LTBP1: variants seen among roughly 807,000 people sequenced by gnomAD.
The protein encoded by LTBP1 is latent transforming growth factor beta binding protein 1.
LTBP1 carries 129 observed loss-of-function variants against 207.6 expected under a neutral mutation model. The observed-to-expected ratio is 0.62, with a 90% CI of 0.54 to 0.72. The LOEUF (loss-of-function observed/expected upper bound fraction) is 0.72, where lower values mean the gene tolerates loss of function less well. LTBP1 is among the 30% of genes least tolerant of loss of function. LTBP1 has a pLI of 0.00. For synonymous variants in LTBP1, 963 were observed against 833.7 expected, an observed-to-expected ratio of 1.16 and a Z score of -2.67; for missense variants, 2,281 against 2,217.2, an observed-to-expected ratio of 1.03 and a Z score of -0.58.
intron 7 of LTBP1, among the ~76,000 whole-genome samples, chr2:33,217,256 A>C (rs1037473545): frequency 6.6e-6 from 1 of 152,252 alleles, no homozygotes; most frequent in East Asian, 1.9e-4. Context: ...TGAGGCTCTT[A>C]TTAAGAAAAA....
chr2:33,129,643 G>T (rs899843313), intron 4 of LTBP1, among the ~76,000 whole-genome samples: 1 of 152,072 alleles, frequency 6.6e-6, no homozygotes, highest in Non-Finnish European at 1.5e-5. Flanking sequence ...ATTAAAAATG[G>T]TTTTACTTTT....
chr2:33,161,254 T>C (rs2084438248), intron 5 of LTBP1, among the ~76,000 whole-genome samples: 1 of 151,614 alleles, frequency 6.6e-6, no homozygotes, highest in Admixed American at 6.6e-5. Context: ...GGAAGCTTTT[T>C]TTTTTTCCTT....
chr2:33,032,075 T>G (rs562723919), intron 3 of LTBP1, among the ~76,000 whole-genome samples: 6 of 152,214 alleles, frequency 3.9e-5, no homozygotes, highest in Admixed American at 6.5e-5. Flanking sequence ...AAGAAAATAA[T>G]TCCTTTGGAT....
At chr2:33,012,329 T>C (rs1439825007) in intron 2 of LTBP1, among the ~76,000 whole-genome samples, 1 of 151,866 alleles carries the variant, frequency 6.6e-6, no homozygotes, top group Non-Finnish European at 1.5e-5. Flanking sequence ...AGCTCCCTCT[T>C]GTACGTGTCT....
intron 3 of LTBP1, among the ~76,000 whole-genome samples, chr2:33,065,937 G>A (rs1019350464): frequency 2.0e-5 from 3 of 152,128 alleles, no homozygotes; most frequent in African/African-American, 7.2e-5. Context: ...TCTGACAGAT[G>A]AAAATAACCT....
rs147518927 is a variant in LTBP1, at chr2:32,967,942, A to T, written c.565+18997A>T. Among the ~76,000 whole-genome samples, 115 of 151,948 alleles carry T rather than the reference A, an allele frequency of 7.6e-4. No homozygotes were observed. The East Asian group carries it at 0.021, about 28-fold the overall frequency. On this transcript the variant is annotated intron_variant, in intron 2 of 33. Transcript: ENST00000404816. ...TTGAAGTATCCAACTTCAATAGATG[A>T]ATTATGGATTCATCTATTATTCCTT...
At chr2:33,092,285 A>G (rs1009376900) in intron 3 of LTBP1, among the ~76,000 whole-genome samples, 2 of 152,208 alleles carry the variant, frequency 1.3e-5, no homozygotes, top group South Asian at 2.1e-4. Flanking sequence ...CTAGTTATCC[A>G]TATGTAAAGG....
intron 2 of LTBP1, among the ~76,000 whole-genome samples, chr2:32,998,744 C>T (rs1161389363): frequency 1.3e-5 from 2 of 152,026 alleles, no homozygotes; most frequent in Admixed American, 1.3e-4. Flanking sequence ...GAGCTTGCCT[C>T]CCCACTCTGT....
intron 2 of LTBP1, among the ~76,000 whole-genome samples, chr2:33,006,476 C>G (rs578007752): frequency 3.3e-5 from 5 of 150,078 alleles, no homozygotes; most frequent in Non-Finnish European, 7.4e-5. Context: ...CTCCGCCTCC[C>G]GGTTCAAGTG....
intron 3 of LTBP1, among the ~76,000 whole-genome samples, chr2:33,039,943 G>A (rs2076103111): frequency 6.6e-6 from 1 of 152,120 alleles, no homozygotes; most frequent in Admixed American, 6.5e-5. Flanking sequence ...GCACCAAAAT[G>A]AGGAAGGAGA....
intron 3 of LTBP1, among the ~76,000 whole-genome samples, chr2:33,079,947 CT>C (rs11384362): frequency 6.6e-6 from 1 of 152,040 alleles, no homozygotes; most frequent in Admixed American, 6.5e-5. Context: ...GACTAAAAAA[CT>C]TTAACTATGA....
At chr2:33,062,108 C>G (rs1310604200) in intron 3 of LTBP1, among the ~76,000 whole-genome samples, 1 of 152,062 alleles carries the variant, frequency 6.6e-6, no homozygotes, top group African/African-American at 2.4e-5. Flanking sequence ...GTATATTCCC[C>G]TTTGTGAAAT....
intron 2 of LTBP1, among the ~76,000 whole-genome samples, chr2:32,963,725 C>T (rs979340291): frequency 6.6e-6 from 1 of 152,156 alleles, no homozygotes; most frequent in African/African-American, 2.4e-5. Context: ...CCTCCTACAA[C>T]AGAACCCCTG....
intron 3 of LTBP1, among the ~76,000 whole-genome samples, chr2:33,054,926 A>T (rs534898228): frequency 6.6e-6 from 1 of 152,182 alleles, no homozygotes; most frequent in Admixed American, 6.5e-5. Context: ...CATAGTGGAC[A>T]TGGACGAGGG....
chr2:33,268,028 C>T (rs1356947221), intron 15 of LTBP1, among the ~76,000 whole-genome samples: 1 of 152,166 alleles, frequency 6.6e-6, no homozygotes, highest in African/African-American at 2.4e-5. Context: ...TTTCATGCAA[C>T]AGTTGTAGGT....
chr2:33,215,804 C>G (rs1447798640), intron 7 of LTBP1, among the ~76,000 whole-genome samples: 2 of 151,108 alleles, frequency 1.3e-5, no homozygotes, highest in African/African-American at 4.9e-5. Flanking sequence ...CAATCTCTGC[C>G]TCCTGGGTTC....
chr2:33,023,375 A>G (rs1235799724), intron 3 of LTBP1, among the ~76,000 whole-genome samples: 1 of 151,948 alleles, frequency 6.6e-6, no homozygotes, highest in Non-Finnish European at 1.5e-5. Flanking sequence ...GGAACAGTCT[A>G]TTTTTTTTCC....
In LTBP1 at chr2:32,959,617, A is replaced by ATTTTTTTT. The variant is rs1373102884; in HGVS notation, c.565+10673_565+10674insTTTTTTTT. Among the ~76,000 whole-genome samples, 23 of 38,538 alleles carry ATTTTTTTT rather than the reference A, an allele frequency of 6.0e-4. 1 individual carries two copies. Among genetic ancestry groups the ATTTTTTTT allele is most frequent in the South Asian group, 2.1e-3 (1 of 478 alleles). 25.3% of individuals were successfully genotyped at this position (38,538 alleles called of 152,430 possible). On this transcript the variant is annotated intron_variant, in intron 2 of 33. Transcript: ENST00000404816. ...TACGTGTATATATATATATATATAT[A>ATTTTTTTT]TATATTTTTTTTTTTTTTTTTGAGA... is the stretch of plus-strand genomic sequence containing the variant.
intron 9 of LTBP1, among the ~76,000 whole-genome samples, chr2:33,239,117 A>G (rs1003280677): frequency 6.6e-6 from 1 of 152,254 alleles, no homozygotes; most frequent in Non-Finnish European, 1.5e-5. Context: ...CCTGAACTTC[A>G]TCTGTGAGCT....
Sources: allele counts gnomAD v4.1 joint callset (sites outside exome capture counted in the v4.1 genomes callset), GRCh38; gene constraint gnomAD v4.1.1; transcripts MANE v1.5; gene names NCBI Gene and HGNC (gene_info 2026-07-23, HGNC 2026-07-21).